Variants in CTNNA3 observed in about 807,000 individuals in gnomAD.
CTNNA3 encodes the protein catenin alpha 3.
Under a neutral mutation model 95.7 loss-of-function variants are expected in CTNNA3, and 76 were observed. The observed-to-expected ratio is 0.79, with a 90% CI of 0.66 to 0.96. CTNNA3 has a LOEUF of 0.96. CTNNA3 is among the 40% of genes least tolerant of loss of function. The probability of loss-of-function intolerance (pLI) is 0.00; values close to 1 mark genes in which losing one functional copy is unlikely to be tolerated. For synonymous variants in CTNNA3, 431 were observed against 374.4 expected, an observed-to-expected ratio of 1.15 and a Z score of -1.74; for missense variants, 1,191 against 1,089.8, an observed-to-expected ratio of 1.09 and a Z score of -1.31.
At chr10:65,921,872 GA>G (rs1482753863) in intron 17 of CTNNA3, among the ~76,000 whole-genome samples, 1 of 152,162 alleles carries the variant, frequency 6.6e-6, no homozygotes, top group Non-Finnish European at 1.5e-5. Context: ...AGCAATTTTT[GA>G]AAGACAAATG....
chr10:66,626,403 C>G (rs536481588), intron 9 of CTNNA3, among the ~76,000 whole-genome samples: 1 of 152,224 alleles, frequency 6.6e-6, no homozygotes, highest in East Asian at 1.9e-4. Flanking sequence ...GTCACCACGT[C>G]TCCTAGCTCT....
chr10:67,520,967 G>A (rs1839965973), intron 5 of CTNNA3, among the ~76,000 whole-genome samples: 1 of 152,128 alleles, frequency 6.6e-6, no homozygotes, highest in Non-Finnish European at 1.5e-5. Context: ...ATCGACTCGA[G>A]GCCTGGCCAT....
upstream of CTNNA3, among the ~76,000 whole-genome samples, chr10:67,700,764 A>C (rs1016196284): frequency 2.0e-5 from 3 of 152,232 alleles, no homozygotes; most frequent in African/African-American, 4.8e-5. Flanking sequence ...CAACGGAACA[A>C]AGCTGGACGG....
chr10:67,417,462 C>G (rs921866082), intron 5 of CTNNA3, among the ~76,000 whole-genome samples: 1 of 151,898 alleles, frequency 6.6e-6, no homozygotes, highest in African/African-American at 2.4e-5. Flanking sequence ...TAAATAATAA[C>G]AATAATAAAA....
chr10:67,520,298 C>G (rs1350225717), intron 5 of CTNNA3, among the ~76,000 whole-genome samples: 1 of 152,102 alleles, frequency 6.6e-6, no homozygotes, highest in Non-Finnish European at 1.5e-5. Context: ...GCCATTCTCC[C>G]AGAGTTCTAC....
intron 1 of CTNNA3, chr10:67,750,383 G>A: frequency 6.7e-7 from 1 of 1,495,342 alleles, no homozygotes; most frequent in Non-Finnish European, 9.3e-7. Flanking sequence ...AGTGGTGAAG[G>A]TGGCCATTGA....
intron 9 of CTNNA3, among the ~76,000 whole-genome samples, chr10:66,694,289 A>G (rs4313463): frequency 0.18 from 26,756 of 151,468 alleles, 2,987 homozygotes; most frequent in East Asian, 0.33. Context: ...TATCACCACC[A>G]ATCCCACAGA....
chr10:67,074,810 T>A lies in CTNNA3; in HGVS notation c.1047+105507A>T, dbSNP rs1322948456. On this transcript the variant is annotated intron_variant, in intron 7 of 17. Coordinates refer to ENST00000433211, the MANE Select transcript of CTNNA3 (RefSeq NM_013266.4). ...CATTCTTAATATTATGAACATAACA[T>A]AATTTATTTATGTATGTATGTATAT... Among the ~76,000 whole-genome samples, 5 of 148,632 alleles carry A rather than the reference T, an allele frequency of 3.4e-5. No homozygotes were observed. In the East Asian group the frequency reaches 9.8e-4, roughly 29 times the overall value.
In CTNNA3 at chr10:65,976,602, C is replaced by A. The variant is rs545264280; in HGVS notation, c.2266-9856G>T. Reference sequence around the variant, plus strand: ...AGTCAGTTTTATAACCAAAGTAAAACAAAATACTATGTGGTAAATTCTTAT... The same window carrying A: ...AGTCAGTTTTATAACCAAAGTAAAAAAAAATACTATGTGGTAAATTCTTAT... On this transcript the variant is annotated intron_variant, in intron 16 of 17. Transcript: ENST00000433211. Among the ~76,000 whole-genome samples the A allele has an allele frequency of 2.0e-5, 3 of 152,160 alleles. No individual in the cohort carries two copies. In the East Asian group the frequency reaches 5.8e-4, roughly 29 times the overall value.
intron 7 of CTNNA3, among the ~76,000 whole-genome samples, chr10:66,795,989 G>T (rs572399137): frequency 1.3e-5 from 2 of 152,104 alleles, no homozygotes; most frequent in Non-Finnish European, 2.9e-5. Context: ...TTATGGGAAT[G>T]TTGTGGCTGG....
At chr10:66,905,363 C>T (rs1283359419) in intron 7 of CTNNA3, among the ~76,000 whole-genome samples, 2 of 151,956 alleles carry the variant, frequency 1.3e-5, no homozygotes, top group African/African-American at 2.4e-5. Flanking sequence ...CACTCTGGGG[C>T]CTATTGGGGG....
At chr10:66,631,915 A>G (rs1286614249) in intron 9 of CTNNA3, among the ~76,000 whole-genome samples, 1 of 151,872 alleles carries the variant, frequency 6.6e-6, no homozygotes. Context: ...TGTGAGATGA[A>G]TAATATATTT....
intron 13 of CTNNA3, among the ~76,000 whole-genome samples, chr10:66,191,530 C>T (rs906655649): frequency 2.0e-5 from 3 of 151,854 alleles, no homozygotes; most frequent in Non-Finnish European, 4.4e-5. Context: ...GGTGTACTTC[C>T]GTCATTACTA....
intron 7 of CTNNA3, among the ~76,000 whole-genome samples, chr10:66,829,022 G>T (rs1184958692): frequency 6.6e-6 from 1 of 152,220 alleles, no homozygotes; most frequent in Non-Finnish European, 1.5e-5. Flanking sequence ...TGCCTATTTT[G>T]CATCCAAAGT....
intron 13 of CTNNA3, among the ~76,000 whole-genome samples, chr10:66,138,098 C>T (rs7912512): frequency 0.036 from 5,484 of 151,840 alleles, 319 homozygotes; most frequent in African/African-American, 0.12. Flanking sequence ...AATAAAAGCC[C>T]GCAGTCTTTG....
chr10:66,571,200 T>C (rs1175995235), intron 10 of CTNNA3, among the ~76,000 whole-genome samples: 1 of 152,200 alleles, frequency 6.6e-6, no homozygotes, highest in African/African-American at 2.4e-5. Context: ...GAAGCATTTG[T>C]TCTGGAACTT....
intron 5 of CTNNA3, among the ~76,000 whole-genome samples, chr10:67,223,096 C>T (rs547922307): frequency 6.6e-6 from 1 of 152,312 alleles, no homozygotes; most frequent in African/African-American, 2.4e-5. Context: ...AGGACTAGAT[C>T]AGTGAACATA....
At chr10:66,586,232 T>C (rs1458230269) in intron 10 of CTNNA3, among the ~76,000 whole-genome samples, 1 of 152,124 alleles carries the variant, frequency 6.6e-6, no homozygotes, top group Non-Finnish European at 1.5e-5. Flanking sequence ...GGTTGAGTAG[T>C]TCAGGCTTCA....
chr10:66,348,985 T>A (rs2092546406), intron 12 of CTNNA3, among the ~76,000 whole-genome samples: 1 of 152,094 alleles, frequency 6.6e-6, no homozygotes, highest in Non-Finnish European at 1.5e-5. Flanking sequence ...GTGGCCACCA[T>A]GACCCTTTCT....
Sources: gnomAD v4.1 joint callset for allele counts (sites outside exome capture counted in the v4.1 genomes callset) on GRCh38, gnomAD v4.1.1 for gene constraint, MANE v1.5 for transcripts, NCBI Gene and HGNC (gene_info 2026-07-23, HGNC 2026-07-21) for gene names.